SEPTIN11: variants seen among roughly 807,000 people sequenced by gnomAD.
SEPTIN11 encodes septin 11, also known as septin-11.
In SEPTIN11, 25 loss-of-function variants were observed where a neutral mutation model predicts 51.4. The ratio of observed to expected loss-of-function variants is 0.49; its 90% CI spans 0.35 to 0.68. The LOEUF (loss-of-function observed/expected upper bound fraction) is 0.68. SEPTIN11 is among the 30% of genes least tolerant of loss of function. The pLI is 0.00. For missense variants in SEPTIN11, 381 were observed against 520.8 expected (o/e 0.73, Z 2.61); for synonymous variants, 174 against 184.1 (o/e 0.95, Z 0.44).
chr4:77,034,471 TTTTTG>T, intron 9 of SEPTIN11, 21 bp from the exon 10 acceptor site: 1 of 1,514,528 alleles, frequency 6.6e-7, no homozygotes, highest in Non-Finnish European at 8.8e-7. Context: ...ATTTCTAACT[TTTTTG>T]TTTTGTTTTT....
chr4:76,987,920 C>A, intron 1 of SEPTIN11: 1 of 670,166 alleles, frequency 1.5e-6, no homozygotes, highest in Non-Finnish European at 1.8e-6. Context: ...GGAGAAAAGA[C>A]AGAGCTCAAA....
At chr4:76,991,434 C>T (rs193088690) in intron 1 of SEPTIN11, among the ~76,000 whole-genome samples, 87 of 152,326 alleles carry the variant, frequency 5.7e-4, no homozygotes, top group African/African-American at 1.9e-3. Flanking sequence ...TTTACAGCAG[C>T]GCTCAGAATG....
chr4:77,023,577 T>G lies in SEPTIN11; in HGVS notation c.953+2907T>G, dbSNP rs532245396. Among the ~76,000 whole-genome samples the G allele has an allele frequency of 4.7e-4, 72 of 152,268 alleles. 4 individuals carry two copies. In the South Asian group the frequency reaches 0.014, roughly 30 times the overall value. On this transcript the variant is annotated intron_variant, in intron 7 of 9. Coordinates refer to ENST00000264893, the MANE Select transcript of SEPTIN11 (RefSeq NM_018243.4). ...CCACTCATTCAAACTCTGATGTCCC[T>G]CCTGGTTTAGGGAAGATTACTTGGT...
At chr4:76,998,476 G>T (rs1372434771) in intron 2 of SEPTIN11, among the ~76,000 whole-genome samples, 1 of 152,182 alleles carries the variant, frequency 6.6e-6, no homozygotes, top group Non-Finnish European at 1.5e-5. Context: ...GAAGCTGCCT[G>T]CATTCCTTGG....
chr4:76,975,503 AT>A (rs1722455062), intron 1 of SEPTIN11, among the ~76,000 whole-genome samples: 1 of 152,330 alleles, frequency 6.6e-6, no homozygotes, highest in South Asian at 2.1e-4. Flanking sequence ...TGTAAATAAC[AT>A]TGTTTTATGA....
rs572198076 is a variant in SEPTIN11 at position 77,018,318 on chromosome 4, C to G, written c.688-847C>G. On this transcript the variant is annotated intron_variant, in intron 5 of 9. Coordinates refer to ENST00000264893, the MANE Select transcript of SEPTIN11 (RefSeq NM_018243.4). ...ACAAAAATTAGCTGGGCATGGTGGCCGGTGCCTGTAGTCCCAGCTATTTGG... is the reference window on the plus strand; with the variant it reads ...ACAAAAATTAGCTGGGCATGGTGGCGGGTGCCTGTAGTCCCAGCTATTTGG... 4.4e-3 allele frequency among the ~76,000 whole-genome samples: 661 copies of G among 151,932 alleles called. 4 individuals carry two copies. Among genetic ancestry groups the G allele is most frequent in the African/African-American group, 0.015 (612 of 41,452 alleles).
intron 1 of SEPTIN11, among the ~76,000 whole-genome samples, chr4:76,982,156 A>G (rs1341554820): frequency 6.6e-6 from 1 of 151,772 alleles, no homozygotes; most frequent in Non-Finnish European, 1.5e-5. Flanking sequence ...CTTCCTTGAT[A>G]GATTCTACCT....
intron 1 of SEPTIN11, 139 bp downstream of exon 1, chr4:76,950,069 A>C (rs1721258433): frequency 2.2e-6 from 2 of 894,010 alleles, no homozygotes; most frequent in African/African-American, 1.8e-5. Context: ...GTGTGCACGA[A>C]TTTGGGCGCG....
intron 2 of SEPTIN11, among the ~76,000 whole-genome samples, chr4:76,999,214 C>T (rs928494801): frequency 6.6e-6 from 1 of 152,172 alleles, no homozygotes; most frequent in Non-Finnish European, 1.5e-5. Flanking sequence ...ATAGGAGTGT[C>T]AGCATTAAAT....
intron 8 of SEPTIN11, among the ~76,000 whole-genome samples, chr4:77,029,232 A>G (rs920772174): frequency 2.9e-4 from 44 of 152,040 alleles, no homozygotes; most frequent in Non-Finnish European, 1.5e-5. Flanking sequence ...CGGGGCTTGC[A>G]CTCCCTGCTT....
At chr4:77,000,721 G>A (rs1724057512) in intron 2 of SEPTIN11, among the ~76,000 whole-genome samples, 1 of 152,196 alleles carries the variant, frequency 6.6e-6, no homozygotes, top group Non-Finnish European at 1.5e-5. Context: ...TTTGGTGTAT[G>A]TAGTGGTCTG....
intron 3 of SEPTIN11, among the ~76,000 whole-genome samples, chr4:77,010,605 T>C (rs889251383): frequency 2.6e-5 from 4 of 152,200 alleles, no homozygotes; most frequent in African/African-American, 9.7e-5. Context: ...TATTGTTTAT[T>C]TTGGGGATGT....
intron 1 of SEPTIN11, among the ~76,000 whole-genome samples, chr4:76,968,394 C>T (rs1304886064): frequency 6.6e-6 from 1 of 152,008 alleles, no homozygotes; most frequent in South Asian, 2.1e-4. Context: ...CCTGTTAATC[C>T]TTCCCTCTAC....
chr4:77,003,096 C>A (rs1470610187), intron 2 of SEPTIN11, among the ~76,000 whole-genome samples: 1 of 152,198 alleles, frequency 6.6e-6, no homozygotes, highest in Non-Finnish European at 1.5e-5. Flanking sequence ...TTACTTACCT[C>A]TCTTTGTATA....
chr4:76,973,334 G>A (rs1431998840), intron 1 of SEPTIN11, among the ~76,000 whole-genome samples: 1 of 152,206 alleles, frequency 6.6e-6, no homozygotes, highest in Non-Finnish European at 1.5e-5. Context: ...CCTTCAGTCA[G>A]TCAGGTCCAG....
chr4:76,985,353 G>A (rs1360158535), intron 1 of SEPTIN11, among the ~76,000 whole-genome samples: 2 of 152,220 alleles, frequency 1.3e-5, no homozygotes, highest in Non-Finnish European at 1.5e-5. Context: ...CTTGGTGGTT[G>A]TTTGCTGAAA....
chr4:76,971,147 A>G (rs1560700084), intron 1 of SEPTIN11, among the ~76,000 whole-genome samples: 1 of 152,246 alleles, frequency 6.6e-6, no homozygotes, highest in African/African-American at 2.4e-5. Context: ...AACATTTTAA[A>G]TATTTTCTAC....
rs534138381 is a variant in SEPTIN11 at position 76,972,048 on chromosome 4, G to T, written c.27+22118G>T. 2.7e-4 allele frequency among the ~76,000 whole-genome samples: 41 copies of T among 152,282 alleles called. 1 individual carries two copies. In the South Asian group the frequency reaches 7.9e-3, roughly 29 times the overall value. On this transcript the variant is annotated intron_variant, in intron 1 of 9. Transcript: ENST00000264893. ...CAACTACCATGACTTAGTGAGGTTG[G>T]ACATCTTTTTATGTGGTTATTGGCC... is the stretch of plus-strand genomic sequence containing the variant.
At chr4:76,958,128 C>T (rs780042127) in intron 1 of SEPTIN11, among the ~76,000 whole-genome samples, 3 of 152,206 alleles carry the variant, frequency 2.0e-5, no homozygotes, top group Admixed American at 6.5e-5. Flanking sequence ...TTGGATAAGA[C>T]GTATTGTCTA....
Sources: allele counts gnomAD v4.1 joint callset (sites outside exome capture counted in the v4.1 genomes callset), GRCh38; gene constraint gnomAD v4.1.1; transcripts MANE v1.5; gene names NCBI Gene and HGNC (gene_info 2026-07-23, HGNC 2026-07-21).